Variants in RREB1 observed in about 807,000 individuals in gnomAD.
RREB1 encodes ras responsive element binding protein 1, also known as ras-responsive element-binding protein 1.
Under a neutral mutation model 117.8 loss-of-function variants are expected in RREB1, and 27 were observed. The observed-to-expected ratio is 0.23, with a 90% CI of 0.17 to 0.32. The LOEUF is 0.32. RREB1 is among the 10% of genes least tolerant of loss of function. RREB1 has a pLI of 1.00. For missense variants in RREB1, 2,577 were observed against 2,378.2 expected (o/e 1.08, Z -1.74); for synonymous variants, 1,298 against 1,026.7 (o/e 1.26, Z -5.05).
intron 6 of RREB1, among the ~76,000 whole-genome samples, chr6:7,206,423 A>G (rs1364975169): frequency 6.6e-6 from 1 of 152,232 alleles, no homozygotes; most frequent in African/African-American, 2.4e-5. Context: ...TTTTCTACAT[A>G]TACTTCATTC....
At chr6:7,182,193 G>A (rs1581502211) in intron 4 of RREB1, 111 bp downstream of exon 4, 1 of 1,007,006 alleles carries the variant, frequency 9.9e-7, no homozygotes, top group East Asian at 2.7e-5. Flanking sequence ...GAATAAAACG[G>A]ACATACCCAG....
Position 7,229,222 on chromosome 6 carries a change from G to C in RREB1, c.1123G>C (p.Val375Leu), listed in dbSNP as rs373354349. The change falls in exon 10 of 13, where the codon GTC becomes CTC. Residue 375 changes from valine to leucine, a missense_variant. Transcript: ENST00000379938. The surrounding 1 kb of genome is among the most constrained non-coding windows in gnomAD (Gnocchi z 4.5). ...GCTTGGCCTGCAGCACACCAAAGAC[G>C]TCAGGCCTGCCCCCGCCGAGGAGCC... Reference protein sequence around the residue: ...ALLGLQHTKDVRPAPAEEPLP... With the variant: ...ALLGLQHTKDLRPAPAEEPLP... The C allele has an allele frequency of 6.2e-7, 1 of 1,613,700 alleles. No homozygotes were observed. Among genetic ancestry groups the C allele is most frequent in the African/African-American group, 1.3e-5 (1 of 74,900 alleles).
chr6:7,213,914 T>C (rs1422222824), intron 8 of RREB1: 1 of 152,266 alleles, frequency 6.6e-6, no homozygotes, highest in Non-Finnish European at 1.5e-5. Context: ...GGAAAAATAA[T>C]GTGGCTCCCA....
Position 7,250,464 on chromosome 6 carries a change from T to A in RREB1, c.*1496T>A, listed in dbSNP as rs541568355. ...TGTGCAGGCAATAGACTTCCCTCAC[T>A]GTCTCCGCCTGCAGGGAGGAGAATG... On this transcript the variant is annotated 3_prime_UTR_variant, in exon 13 of 13. Transcript: ENST00000379938. 1 of 152,136 alleles carries A rather than the reference T, an allele frequency of 6.6e-6. No individual in the cohort carries two copies. The highest frequency in any genetic ancestry group is 1.5e-5 in the Non-Finnish European group (1 of 67,956). The allele number at this position is 152,136 out of a possible 1,614,324, so 9.4% of individuals were successfully genotyped here. A position where few individuals can be genotyped will look rare whatever the true frequency, so the allele number is the denominator to read the frequency against.
At chr6:7,238,666 C>A (rs1279815173) in intron 10 of RREB1, among the ~76,000 whole-genome samples, 2 of 152,040 alleles carry the variant, frequency 1.3e-5, no homozygotes, top group African/African-American at 4.8e-5. Flanking sequence ...TATGAGGAGA[C>A]CCTGAAAACA....
At chr6:7,222,234 A>G (rs1767305137) in intron 8 of RREB1, among the ~76,000 whole-genome samples, 1 of 152,190 alleles carries the variant, frequency 6.6e-6, no homozygotes, top group Non-Finnish European at 1.5e-5. Context: ...GTGCTTGTTC[A>G]TATACAGATT....
rs1421331393 is a variant in RREB1 at position 7,131,008 on chromosome 6, G to A, written c.-285+22948G>A. Among the ~76,000 whole-genome samples the A allele has an allele frequency of 2.1e-5, 3 of 144,186 alleles. No homozygotes were observed. The South Asian group carries it at 6.4e-4, about 31-fold the overall frequency. The allele number at this position is 144,186 out of a possible 152,430, so 94.6% of individuals were successfully genotyped here. A position where few individuals can be genotyped will look rare whatever the true frequency, so the allele number is the denominator to read the frequency against. On this transcript the variant is annotated intron_variant, in intron 1 of 12. Transcript: ENST00000379938. ...GGCTGGAGGTCAGTGGCGCGATCTCGGCTCACTGCAAGCTCCGCCTCTCGG... is the reference window on the plus strand; with the variant it reads ...GGCTGGAGGTCAGTGGCGCGATCTCAGCTCACTGCAAGCTCCGCCTCTCGG...
chr6:7,169,113 C>A (rs1561757509), intron 1 of RREB1, among the ~76,000 whole-genome samples: 1 of 152,238 alleles, frequency 6.6e-6, no homozygotes, highest in Non-Finnish European at 1.5e-5. Flanking sequence ...TAGCAACATT[C>A]TTTTCTGTTT....
intron 1 of RREB1, among the ~76,000 whole-genome samples, chr6:7,123,871 A>G (rs1454997351): frequency 6.6e-6 from 1 of 151,806 alleles, no homozygotes; most frequent in African/African-American, 2.4e-5. Flanking sequence ...TCGGCCTCCC[A>G]AAGTACTGGG....
At position 7,187,404 on chromosome 6, in the gene RREB1, T is replaced by C. The variant is rs766213490; in HGVS notation, c.172-30T>C. 4 of 1,405,042 alleles carry C rather than the reference T, an allele frequency of 2.8e-6. No homozygotes were observed. In the East Asian group the frequency reaches 9.1e-5, roughly 32 times the overall value. 87.0% of individuals were successfully genotyped at this position (1,405,042 alleles called of 1,614,324 possible). A position where few individuals can be genotyped will look rare whatever the true frequency, so the allele number is the denominator to read the frequency against. ...GGCACTTGTTGACTGTGAGTTGAAA[T>C]TTATCTTCCCTTTTAATCTTTCTTT... On this transcript the variant is annotated intron_variant, in intron 4 of 12. Coordinates refer to ENST00000379938, the MANE Select transcript of RREB1 (RefSeq NM_001003699.4).
At chr6:7,108,335 T>TCCTCCTCCTCCTCCC (rs1760935751) in intron 1 of RREB1, among the ~76,000 whole-genome samples, 2 of 150,850 alleles carry the variant, frequency 1.3e-5, no homozygotes, top group Admixed American at 1.3e-4. Context: ...CTCCTCCTCC[T>TCCTCCTCCTCCTCCC]CCTCCCCTTC....
chr6:7,189,183 G>A lies in RREB1; in HGVS notation c.286G>A (p.Asp96Asn), dbSNP rs372987331. Reference sequence around the variant, plus strand: ...GCACAACACAGACACTGGAGGAGCCGACCACTCATGCAGCATCTGCGGAAA... The same window carrying A: ...GCACAACACAGACACTGGAGGAGCCAACCACTCATGCAGCATCTGCGGAAA... ...RQHNTDTGGADHSCSICGKSL... is the reference protein window; with the variant it reads ...RQHNTDTGGANHSCSICGKSL... Residue 96 changes from aspartate (D) to asparagine (N), a missense_variant, in exon 6 of 13, where the codon GAC becomes AAC. Physicochemically the swap from Asp to Asn is conservative, Grantham distance 23. Transcript: ENST00000379938. The A allele has an allele frequency of 2.3e-5, 37 of 1,613,162 alleles. No individual in the cohort carries two copies. Among genetic ancestry groups the A allele is most frequent in the African/African-American group, 1.3e-4 (10 of 74,918 alleles).
intron 8 of RREB1, among the ~76,000 whole-genome samples, chr6:7,220,148 G>C (rs559920610): frequency 6.6e-6 from 1 of 152,302 alleles, no homozygotes; most frequent in South Asian, 2.1e-4. Flanking sequence ...TGTCATACAG[G>C]GGGTGGGGAA....
chr6:7,228,389 G>GA (rs943476470), intron 9 of RREB1, among the ~76,000 whole-genome samples: 1 of 151,654 alleles, frequency 6.6e-6, no homozygotes, highest in African/African-American at 2.4e-5. Flanking sequence ...AATCTCTAGT[G>GA]AGATACCCTG....
intron 3 of RREB1, 85 bp from the exon 4 acceptor site, chr6:7,181,785 A>G (rs1159562142): frequency 5.4e-6 from 5 of 929,156 alleles, no homozygotes; most frequent in Non-Finnish European, 8.7e-6. Context: ...CTGAATTACA[A>G]TTAGAGTAGC....
At chr6:7,130,757 T>G (rs890991179) in intron 1 of RREB1, among the ~76,000 whole-genome samples, 2 of 151,092 alleles carry the variant, frequency 1.3e-5, no homozygotes, top group African/African-American at 2.4e-5. Flanking sequence ...GCTGGGCTTA[T>G]AAGCACCTGC....
At chr6:7,185,522 ATC>A (rs1765040267) in intron 4 of RREB1, among the ~76,000 whole-genome samples, 4 of 152,080 alleles carry the variant, frequency 2.6e-5, no homozygotes, top group Admixed American at 6.6e-5. Flanking sequence ...GTGAGCCAAG[ATC>A]GTGCCACTGT....
intron 1 of RREB1, among the ~76,000 whole-genome samples, chr6:7,175,028 GA>G (rs1056253552): frequency 2.7e-4 from 41 of 151,848 alleles, no homozygotes; most frequent in African/African-American, 8.2e-4. Flanking sequence ...GCAGTTTCTA[GA>G]AAAAAACCAA....
chr6:7,201,287 C>T (rs1386070736), intron 6 of RREB1, among the ~76,000 whole-genome samples: 4 of 152,176 alleles, frequency 2.6e-5, no homozygotes. Context: ...CATTAGATCA[C>T]AAAATGAAAC....
Sources: allele counts gnomAD v4.1 joint callset (sites outside exome capture counted in the v4.1 genomes callset), GRCh38; gene constraint gnomAD v4.1.1; non-coding constraint Gnocchi (gnomAD v3.1); transcripts MANE v1.5; gene names NCBI Gene and HGNC (gene_info 2026-07-23, HGNC 2026-07-21).